The following SLC61A1 variants were observed in gnomAD, a reference collection of about 807,000 sequenced individuals.
The protein encoded by SLC61A1 is solute carrier family 61 member 1.
At chr12:53,252,703 C>A in the SLC61A1 span, 1 of 1,307,674 alleles carries the variant, frequency 7.6e-7, no homozygotes, top group South Asian at 1.5e-5. Flanking sequence ...GGTCTGAGAT[C>A]TTGGGGAGTG....
At chr12:53,253,495 A>C in the SLC61A1 span, 19 of 1,613,978 alleles carry the variant, frequency 1.2e-5, no homozygotes, top group Admixed American at 3.3e-5. Context: ...TGGCCCTTCG[A>C]AACTGGGGGG....
At chr12:53,252,494 G>T in the SLC61A1 span, 1 of 1,326,182 alleles carries the variant, frequency 7.5e-7, no homozygotes, top group African/African-American at 1.5e-5. Context: ...GTAATAGAAG[G>T]AAGTGTACGG....
chr12:53,252,051 C>CGGGCGGGCG, the SLC61A1 span: 3 of 161,356 alleles, frequency 1.9e-5, no homozygotes, highest in Non-Finnish European at 2.8e-5. Context: ...GGAAGGAGGG[C>CGGGCGGGCG]GGGCGGGCGG....
At chr12:53,251,923 G>A in the SLC61A1 span, 6 of 1,537,188 alleles carry the variant, frequency 3.9e-6, no homozygotes, top group East Asian at 7.3e-5. Context: ...AAGAGCCAGA[G>A]GAGCAGGTGT....
At chr12:53,253,567 G>A in the SLC61A1 span, 1 of 1,613,968 alleles carries the variant, frequency 6.2e-7, no homozygotes, top group Non-Finnish European at 8.5e-7. Context: ...GCTGCCTCCT[G>A]TCGGACCGCC....
the SLC61A1 span, chr12:53,253,738 C>T: frequency 2.2e-5 from 35 of 1,613,952 alleles, no homozygotes; most frequent in Non-Finnish European, 2.7e-5. Context: ...TGTACCGTAT[C>T]GCCACCTCCA....
At chr12:53,251,257 C>G in the SLC61A1 span, 2 of 164,042 alleles carry the variant, frequency 1.2e-5, no homozygotes, top group Non-Finnish European at 2.7e-5. Flanking sequence ...GTGCAAAAGC[C>G]CTGGTGGTAG....
chr12:53,253,542 G>A, the SLC61A1 span: 1 of 1,614,164 alleles, frequency 6.2e-7, no homozygotes, highest in East Asian at 2.2e-5. Flanking sequence ...TCAAGGACCT[G>A]TGCTGGAGGC....
At chr12:53,252,308 G>C in the SLC61A1 span, 8 of 1,384,358 alleles carry the variant, frequency 5.8e-6, no homozygotes, top group Non-Finnish European at 7.4e-6. Flanking sequence ...GGATGTGGCA[G>C]GGCTGGGCAG....
At chr12:53,254,055 A>C in the SLC61A1 span, 41 of 1,614,204 alleles carry the variant, frequency 2.5e-5, no homozygotes, top group Non-Finnish European at 3.4e-5. Context: ...GGCACTCGGA[A>C]TATGTTCAGC....
chr12:53,253,573 C>G, the SLC61A1 span: 1 of 1,613,986 alleles, frequency 6.2e-7, no homozygotes, highest in Non-Finnish European at 8.5e-7. Context: ...TCCTGTCGGA[C>G]CGCCGCGTGC....
the SLC61A1 span, chr12:53,252,995 G>A: frequency 6.2e-7 from 1 of 1,614,176 alleles, no homozygotes; most frequent in Non-Finnish European, 8.5e-7. Context: ...CCTGGCCCTG[G>A]CAGCTGATTG....
At chr12:53,253,567 G>T in the SLC61A1 span, 2,844 of 1,613,966 alleles carry the variant, frequency 1.8e-3, 40 homozygotes, top group African/African-American at 0.034. Context: ...GCTGCCTCCT[G>T]TCGGACCGCC....
the SLC61A1 span, chr12:53,254,397 TA>T: frequency 3.4e-6 from 2 of 581,208 alleles, no homozygotes; most frequent in Non-Finnish European, 6.1e-6. Context: ...TAAACACTTT[TA>T]AATGATCATT....
chr12:53,253,700 A>G, the SLC61A1 span: 5 of 1,614,010 alleles, frequency 3.1e-6, no homozygotes, highest in Non-Finnish European at 4.2e-6. Flanking sequence ...CTCCAGCTTC[A>G]TGGCAGCCAG....
the SLC61A1 span, chr12:53,252,353 G>A: frequency 1.5e-6 from 2 of 1,342,408 alleles, no homozygotes; most frequent in Non-Finnish European, 1.9e-6. Flanking sequence ...CAGTGACCTG[G>A]AGGAGTGGGC....
the SLC61A1 span, chr12:53,253,100 G>T: frequency 3.1e-6 from 5 of 1,614,268 alleles, no homozygotes; most frequent in Non-Finnish European, 3.4e-6. Context: ...TGCCTCTACA[G>T]TCCTCTTTGG....
At chr12:53,252,729 T>G in the SLC61A1 span, 7 of 1,409,916 alleles carry the variant, frequency 5.0e-6, no homozygotes, top group South Asian at 1.4e-5. Context: ...GGCAGCGGGG[T>G]TGGGTGGAGC....
At chr12:53,251,405 T>G in the SLC61A1 span, 1 of 282,072 alleles carries the variant, frequency 3.5e-6, no homozygotes, top group Non-Finnish European at 6.7e-6. Flanking sequence ...TGGAGGCTCT[T>G]GAGGAGATGA....
Sources: gnomAD v4.1 joint callset for allele counts on GRCh38, gnomAD v4.1.1 for gene constraint, MANE v1.5 for transcripts, NCBI Gene and HGNC (gene_info 2026-07-23, HGNC 2026-07-21) for gene names.